The following COX7B2 variants were observed in gnomAD, a reference collection of about 807,000 sequenced individuals.
COX7B2 encodes the protein cytochrome c oxidase subunit 7B2, also known as cytochrome c oxidase subunit 7B2, mitochondrial.
For synonymous variants in COX7B2, 37 were observed against 32.1 expected, an observed-to-expected ratio of 1.15 and a Z score of -0.51; for missense variants, 109 against 95.9, an observed-to-expected ratio of 1.14 and a Z score of -0.57.
chr4:46,825,254 C>T (rs1407656687), intron 2 of COX7B2, among the ~76,000 whole-genome samples: 4 of 151,842 alleles, frequency 2.6e-5, no homozygotes, highest in Non-Finnish European at 5.9e-5. Context: ...AACCGAGAGC[C>T]ACATCAGAAA....
At position 46,752,778 on chromosome 4, in the gene COX7B2, C is replaced by A. The variant is rs185441820; in HGVS notation, c.-49-17537G>T. ...ATCCCATGGATGAAGCCCACTTGAT[C>A]GTGGTCAATAAGCTTTTTGATGTGC... On this transcript the variant is annotated intron_variant, in intron 2 of 2. Transcript: ENST00000355591. Among the ~76,000 whole-genome samples, 126 of 152,168 alleles carry A rather than the reference C, an allele frequency of 8.3e-4. 2 individuals are homozygous for A. Among genetic ancestry groups the A allele is most frequent in the Non-Finnish European group, 1.3e-3 (90 of 67,990 alleles).
In COX7B2 at chr4:46,735,224, T is replaced by C; in HGVS notation, c.-32A>G. 6.2e-7 allele frequency: 1 copy of C among 1,610,184 alleles called. No homozygotes were observed. Among genetic ancestry groups the C allele is most frequent in the South Asian group, 1.1e-5 (1 of 90,212 alleles). Reference sequence around the variant, plus strand: ...TTGCAGTTGCCTTCAGCTACTGGTCTATTTTGTTGCAAAGAGGCTGGAAAG... The same window carrying C: ...TTGCAGTTGCCTTCAGCTACTGGTCCATTTTGTTGCAAAGAGGCTGGAAAG... On this transcript the variant is annotated 5_prime_UTR_variant, in exon 3 of 3. It adds an upstream start codon to the 5' untranslated region. Coordinates refer to ENST00000355591, the MANE Select transcript of COX7B2 (RefSeq NM_130902.3).
intron 2 of COX7B2, among the ~76,000 whole-genome samples, chr4:46,818,525 T>A (rs1401817590): frequency 6.6e-6 from 1 of 151,872 alleles, no homozygotes; most frequent in African/African-American, 2.4e-5. Context: ...TAGTCCCAGC[T>A]ACTCAGTAGG....
At chr4:46,824,851 T>C (rs1262154531) in intron 2 of COX7B2, among the ~76,000 whole-genome samples, 1 of 152,020 alleles carries the variant, frequency 6.6e-6, no homozygotes. Context: ...TAAAAAACTC[T>C]CAATAACCTA....
chr4:46,736,744 A>T (rs1714388946), intron 2 of COX7B2, among the ~76,000 whole-genome samples: 3 of 152,088 alleles, frequency 2.0e-5, no homozygotes. Context: ...TTTCACTTCA[A>T]AATATACTTT....
chr4:46,841,374 T>TG lies in COX7B2; in HGVS notation c.-50+3585_-50+3586insC, dbSNP rs1560414291. Among the ~76,000 whole-genome samples the TG allele has an allele frequency of 2.4e-3, 364 of 150,778 alleles. 2 individuals are homozygous for TG. The highest frequency in any genetic ancestry group is 8.2e-3 in the African/African-American group (338 of 41,084). On this transcript the variant is annotated intron_variant, in intron 2 of 2. Transcript: ENST00000355591. ...GTGTGTGTGTGTGTGTGTGTGTGTG[T>TG]TTAAGATGGGCTGGCAGGAGATGCC...
intron 2 of COX7B2, among the ~76,000 whole-genome samples, chr4:46,737,881 C>G (rs557895321): frequency 6.6e-6 from 1 of 152,116 alleles, no homozygotes; most frequent in Non-Finnish European, 1.5e-5. Context: ...CCAAGGTTCT[C>G]TTTTATTTCC....
chr4:46,876,393 C>T (rs1326558092), intron 1 of COX7B2, among the ~76,000 whole-genome samples: 2 of 150,462 alleles, frequency 1.3e-5, no homozygotes, highest in African/African-American at 2.4e-5. Flanking sequence ...ACACAGAGTC[C>T]GTCCTATTGT....
At chr4:46,854,088 CTTG>C (rs1158420173) in intron 1 of COX7B2, among the ~76,000 whole-genome samples, 3 of 152,090 alleles carry the variant, frequency 2.0e-5, no homozygotes, top group Admixed American at 6.6e-5. Context: ...AATTAGACTA[CTTG>C]TTGATTTTCC....
intron 2 of COX7B2, among the ~76,000 whole-genome samples, chr4:46,825,379 T>C (rs1378895080): frequency 1.3e-5 from 2 of 151,780 alleles, no homozygotes; most frequent in African/African-American, 4.8e-5. Flanking sequence ...AACTAAATCA[T>C]AAAAGACTCA....
intron 1 of COX7B2, among the ~76,000 whole-genome samples, chr4:46,886,349 A>G (rs1324537745): frequency 3.3e-5 from 5 of 152,220 alleles, no homozygotes; most frequent in Admixed American, 1.3e-4. Context: ...AAATCAGGGT[A>G]ATTAAGATAT....
At chr4:46,767,115 GA>G (rs1716588433) in intron 2 of COX7B2, among the ~76,000 whole-genome samples, 1 of 152,250 alleles carries the variant, frequency 6.6e-6, no homozygotes, top group Non-Finnish European at 1.5e-5. Context: ...TGCCTACAGA[GA>G]CTGAGTTTAG....
chr4:46,753,750 A>G (rs1188943247), intron 2 of COX7B2, among the ~76,000 whole-genome samples: 6 of 152,136 alleles, frequency 3.9e-5, no homozygotes, highest in African/African-American at 1.4e-4. Context: ...GCAGAGCAAA[A>G]GAAACTACCA....
intron 2 of COX7B2, among the ~76,000 whole-genome samples, chr4:46,741,296 T>C (rs1243486038): frequency 6.6e-6 from 1 of 152,114 alleles, no homozygotes; most frequent in African/African-American, 2.4e-5. Context: ...ACTGATATTT[T>C]GGTATGAATA....
At chr4:46,906,467 G>C (rs1254890100) in intron 1 of COX7B2, among the ~76,000 whole-genome samples, 1 of 152,076 alleles carries the variant, frequency 6.6e-6, no homozygotes, top group Non-Finnish European at 1.5e-5. Flanking sequence ...CTATCTTTCA[G>C]AAAGTTTTAA....
intron 2 of COX7B2, among the ~76,000 whole-genome samples, chr4:46,759,001 C>T (rs1715967184): frequency 6.6e-6 from 1 of 152,064 alleles, no homozygotes; most frequent in Non-Finnish European, 1.5e-5. Flanking sequence ...GATTGTGGAA[C>T]CACAAACTGG....
intron 2 of COX7B2, among the ~76,000 whole-genome samples, chr4:46,823,794 C>A (rs371284109): frequency 1.3e-5 from 2 of 149,606 alleles, no homozygotes; most frequent in Non-Finnish European, 1.5e-5. Context: ...AAACAACAGA[C>A]AAAAATCAAA....
chr4:46,809,412 T>A (rs923906156), intron 2 of COX7B2, among the ~76,000 whole-genome samples: 1 of 151,880 alleles, frequency 6.6e-6, no homozygotes, highest in African/African-American at 2.4e-5. Flanking sequence ...CGTTTATTTC[T>A]ATAAACTTTC....
At chr4:46,751,921 G>C (rs1715406283) in intron 2 of COX7B2, among the ~76,000 whole-genome samples, 1 of 151,984 alleles carries the variant, frequency 6.6e-6, no homozygotes, top group Non-Finnish European at 1.5e-5. Context: ...GCTTCCATAT[G>C]AACTTTAAAG....
Sources: gnomAD v4.1 joint callset for allele counts (sites outside exome capture counted in the v4.1 genomes callset) on GRCh38, gnomAD v4.1.1 for gene constraint, MANE v1.5 for transcripts, NCBI Gene and HGNC (gene_info 2026-07-23, HGNC 2026-07-21) for gene names.